NFU1: variants seen among roughly 807,000 people sequenced by gnomAD.
The protein encoded by NFU1 is NFU1 iron-sulfur cluster scaffold homolog, mitochondrial.
Under a neutral mutation model 32.2 loss-of-function variants are expected in NFU1, and 30 were observed. The ratio of observed to expected loss-of-function variants is 0.93; its 90% CI spans 0.70 to 1.26. NFU1 has a LOEUF of 1.26. Among genes scored for constraint, NFU1 ranks in the 50% most tolerant of loss-of-function variants. NFU1 has a pLI of 0.00. For synonymous variants in NFU1, 112 were observed against 104.6 expected (o/e 1.07, Z -0.43); for missense variants, 306 against 306.6 (o/e 1.00, Z 0.02).
intron 5 of NFU1, among the ~76,000 whole-genome samples, chr2:69,413,674 G>T (rs1332280102): frequency 1.3e-5 from 2 of 152,108 alleles, no homozygotes; most frequent in Admixed American, 1.3e-4. Flanking sequence ...TAGAAGGATC[G>T]CTTGAACCTG....
intron 3 of NFU1, among the ~76,000 whole-genome samples, chr2:69,423,243 AGTGTGTGTGTGTGTGTGTGTGTGTGT>A (rs772105664): frequency 6.8e-5 from 6 of 87,992 alleles, no homozygotes; most frequent in African/African-American, 9.9e-5. Context: ...TCTCTGTGTG[AGTGTGTGTGTGTGTGTGTGTGTGTGT>A]GTGTGTGTGT....
At chr2:69,402,911 GAAAA>G (rs1320240182) in intron 6 of NFU1, among the ~76,000 whole-genome samples, 78 of 143,088 alleles carry the variant, frequency 5.5e-4, no homozygotes, top group African/African-American at 1.9e-3. Flanking sequence ...TCCCGTTGGG[GAAAA>G]AAAAAAAAAT....
intron 1 of NFU1, among the ~76,000 whole-genome samples, chr2:69,436,843 G>T (rs1263391092): frequency 6.6e-6 from 1 of 150,694 alleles, no homozygotes; most frequent in Non-Finnish European, 1.5e-5. Flanking sequence ...TGGGTGCAGG[G>T]AATCTAGGGG....
At chr2:69,424,941 A>G (rs1425454764) in intron 2 of NFU1, among the ~76,000 whole-genome samples, 1 of 140,572 alleles carries the variant, frequency 7.1e-6, no homozygotes, top group Non-Finnish European at 1.5e-5. Flanking sequence ...CAGTGGCGCC[A>G]TCTCTGCTCA....
At chr2:69,437,141 G>C (rs1051878673) in intron 1 of NFU1, 4 of 993,422 alleles carry the variant, frequency 4.0e-6, no homozygotes, top group Non-Finnish European at 4.3e-6. Context: ...CTGAGCCTGA[G>C]AGGAAGCTCC....
At chr2:69,435,075 T>A (rs1673784737) in intron 1 of NFU1, among the ~76,000 whole-genome samples, 1 of 152,132 alleles carries the variant, frequency 6.6e-6, no homozygotes, top group Non-Finnish European at 1.5e-5. Flanking sequence ...ACCGCCAGAA[T>A]AATGGCTGGT....
Position 69,437,431 on chromosome 2 carries a change from G to C in NFU1, c.-9C>G. 6.2e-7 allele frequency: 1 copy of C among 1,610,282 alleles called. No homozygotes were observed. Among genetic ancestry groups the C allele is most frequent in the East Asian group, 2.2e-5 (1 of 44,850 alleles). ...CTGGCCGTCGCCGCCATCTTAGTCC[G>C]GAGTGCCTAAGGGTCTCCCTGACAG... On this transcript the variant is annotated 5_prime_UTR_variant, in exon 1 of 8. Transcript: ENST00000410022.
intron 6 of NFU1, among the ~76,000 whole-genome samples, chr2:69,403,340 CAGAT>C (rs1203710267): frequency 6.6e-6 from 1 of 151,992 alleles, no homozygotes; most frequent in Non-Finnish European, 1.5e-5. Context: ...TGCATTGTTT[CAGAT>C]TGATGAATTA....
At chr2:69,435,246 G>A (rs1184030445) in intron 1 of NFU1, among the ~76,000 whole-genome samples, 3 of 152,260 alleles carry the variant, frequency 2.0e-5, no homozygotes, top group East Asian at 3.9e-4. Context: ...GCCCAAGCCC[G>A]GGAATGGGCA....
chr2:69,423,204 T>G (rs1413082802), intron 3 of NFU1, among the ~76,000 whole-genome samples: 1 of 70,836 alleles, frequency 1.4e-5, no homozygotes, highest in African/African-American at 6.6e-5. Context: ...GCTGTGTGTG[T>G]GTGTGGGGGG....
chr2:69,420,512 T>C (rs1673202420), intron 3 of NFU1, among the ~76,000 whole-genome samples: 1 of 152,252 alleles, frequency 6.6e-6, no homozygotes, highest in Non-Finnish European at 1.5e-5. Flanking sequence ...TGTTATCAGT[T>C]TCGTGTGTAT....
chr2:69,423,594 G>A lies in NFU1; in HGVS notation c.290C>T (p.Ser97Phe), dbSNP rs1212890278. The A allele has an allele frequency of 1.9e-6, 3 of 1,613,612 alleles. No individual in the cohort carries two copies. Among genetic ancestry groups the A allele is most frequent in the Non-Finnish European group, 2.5e-6 (3 of 1,179,928 alleles). ...DFPTPAAAFRSPLARQLFRIE... is the reference protein window; with the variant it reads ...DFPTPAAAFRFPLARQLFRIE... ...AACAGTAATATACCTAGCCAGAGGG[G>A]AGCGAAATGCTGCAGCTGGGGTGGG... Residue 97 changes from serine to phenylalanine, a missense_variant, in exon 3 of 8, where the codon TCC becomes TTC. Physicochemically the swap from Ser to Phe is radical, Grantham distance 155. Coordinates refer to ENST00000410022, the MANE Select transcript of NFU1 (RefSeq NM_001002755.4).
chr2:69,437,843 C>A (rs565891466), upstream of NFU1, among the ~76,000 whole-genome samples: 1 of 152,306 alleles, frequency 6.6e-6, no homozygotes, highest in East Asian at 1.9e-4. Context: ...CTGGAGCATT[C>A]CTTCTAAAAG....
chr2:69,429,289 T>TGC (rs1365359561), intron 2 of NFU1, among the ~76,000 whole-genome samples: 1 of 152,152 alleles, frequency 6.6e-6, no homozygotes, highest in Non-Finnish European at 1.5e-5. Context: ...TTCAACTGGG[T>TGC]GCATCAGCTC....
At position 69,424,217 on chromosome 2, in the gene NFU1, A is replaced by ATC. The variant is rs1381979003; in HGVS notation, c.167-501_167-500insGA. Among the ~76,000 whole-genome samples the ATC allele has an allele frequency of 1.9e-3, 244 of 130,484 alleles. 3 individuals are homozygous for ATC. The highest frequency in any genetic ancestry group is 7.5e-3 in the African/African-American group (237 of 31,688). 85.6% of individuals were successfully genotyped at this position (130,484 alleles called of 152,430 possible). A position where few individuals can be genotyped will look rare whatever the true frequency, so the allele number is the denominator to read the frequency against. ...AAAAAAAATATATATATATATATAT[A>ATC]TATCTCAATATATTTAAGTGCATAT... On this transcript the variant is annotated intron_variant, in intron 2 of 7. Coordinates refer to ENST00000410022, the MANE Select transcript of NFU1 (RefSeq NM_001002755.4).
chr2:69,400,776 T>C (rs1197631049), intron 6 of NFU1, among the ~76,000 whole-genome samples: 1 of 152,170 alleles, frequency 6.6e-6, no homozygotes, highest in Non-Finnish European at 1.5e-5. Flanking sequence ...TTACCGCATT[T>C]GATCTTGCTT....
chr2:69,414,251 G>A (rs1464982232), intron 5 of NFU1, among the ~76,000 whole-genome samples: 2 of 152,130 alleles, frequency 1.3e-5, no homozygotes, highest in African/African-American at 2.4e-5. Context: ...GAGTAAACTA[G>A]AACTATGTTT....
chr2:69,419,648 T>C (rs772895386), intron 3 of NFU1, 44 bp from the exon 4 acceptor site: 3 of 1,168,016 alleles, frequency 2.6e-6, no homozygotes, highest in South Asian at 2.6e-5. Flanking sequence ...TGCTTGATTA[T>C]GGAAAAGTTT....
At position 69,419,595 on chromosome 2, in the gene NFU1, A is replaced by G. The variant is rs1158018884; in HGVS notation, c.312T>C (p.Phe104=). 3.8e-6 allele frequency: 6 copies of G among 1,581,866 alleles called. No homozygotes were observed. The highest frequency in any genetic ancestry group is 1.3e-5 in the African/African-American group (1 of 74,302). ...AFRSPLARQL[F]RIEGVKSVFF... ...AGACACTTTTTACTCCTTCAATCCT[A>G]AATAACTGCCTGCAAAAAAAGAAAA... Residue 104 remains phenylalanine (F), a synonymous_variant, in exon 4 of 8, where the codon TTT becomes TTC. Transcript: ENST00000410022.
Sources: gnomAD v4.1 joint callset for allele counts (sites outside exome capture counted in the v4.1 genomes callset) on GRCh38, gnomAD v4.1.1 for gene constraint, MANE v1.5 for transcripts, NCBI Gene and HGNC (gene_info 2026-07-23, HGNC 2026-07-21) for gene names.